The following PADI6 variants were observed in gnomAD, a reference collection of about 807,000 sequenced individuals.
PADI6 encodes the protein peptidyl arginine deiminase 6.
A neutral mutation model predicts 78.2 loss-of-function variants in PADI6; 66 were observed. The ratio of observed to expected loss-of-function variants is 0.84; its 90% CI spans 0.69 to 1.04. The LOEUF (loss-of-function observed/expected upper bound fraction) is 1.04. Ranked by LOEUF, PADI6 falls within the 50% of genes least tolerant of loss-of-function variation. The pLI, the probability that PADI6 is intolerant of heterozygous loss-of-function variation, is 0.00. For missense variants in PADI6, 854 were observed against 866.1 expected, an observed-to-expected ratio of 0.99 and a Z score of 0.18; for synonymous variants, 397 against 346.9, an observed-to-expected ratio of 1.14 and a Z score of -1.60.
intron 3 of PADI6, among the ~76,000 whole-genome samples, chr1:17,376,194 C>T (rs1429104677): frequency 1.3e-5 from 2 of 151,218 alleles, no homozygotes; most frequent in Admixed American, 6.6e-5. Context: ...AGGCTGGTCT[C>T]GAACTCCTGA....
intron 6 of PADI6, among the ~76,000 whole-genome samples, chr1:17,386,571 G>A (rs1439669699): frequency 2.6e-5 from 4 of 152,338 alleles, no homozygotes; most frequent in Admixed American, 1.3e-4. Context: ...GAAGTTGCAG[G>A]GGTTCCTGGG....
At chr1:17,397,246 G>T in intron 14 of PADI6, 105 bp downstream of exon 14, 2 of 1,233,944 alleles carry the variant, frequency 1.6e-6, no homozygotes, top group Non-Finnish European at 2.3e-6. Flanking sequence ...GTTGGGCGGC[G>T]GGGGGCAGCT....
intron 9 of PADI6, among the ~76,000 whole-genome samples, chr1:17,393,148 GA>G (rs892825281): frequency 6.6e-4 from 98 of 148,444 alleles, no homozygotes; most frequent in Middle Eastern, 3.5e-3. Flanking sequence ...TGTCTCAAAA[GA>G]AAAAAAAAAA....
intron 8 of PADI6, among the ~76,000 whole-genome samples, chr1:17,391,801 CG>C (rs1438103704): frequency 1.3e-5 from 2 of 152,140 alleles, no homozygotes; most frequent in Non-Finnish European, 2.9e-5. Context: ...GGTGACAGAA[CG>C]AAAGGAAGGG....
chr1:17,375,610 C>T lies in PADI6; in HGVS notation c.367+111C>T, dbSNP rs1362265187. The T allele has an allele frequency of 4.1e-5, 38 of 932,026 alleles. No individual in the cohort carries two copies. The Admixed American group carries it at 8.6e-4, about 21-fold the overall frequency. The allele number at this position is 932,026 out of a possible 1,614,324, so 57.7% of individuals were successfully genotyped here. On this transcript the variant is annotated intron_variant, in intron 3 of 15. Transcript: ENST00000619609. ...GATTCTCCAGGTAACAAGATGCCTC[C>T]TGTGGGCCCCAGGAACTCCTGAACA...
Position 17,392,150 on chromosome 1 carries a change from G to C in PADI6, c.999G>C (p.Thr333=). Reference sequence around the variant, plus strand: ...TGCAGGGTTTTGTGGACACAGTGACGAAGCTGAGTGAGAAGAGCAACAGCC... The same window carrying C: ...TGCAGGGTTTTGTGGACACAGTGACCAAGCTGAGTGAGAAGAGCAACAGCC... ...LQLQGFVDTV[T]KLSEKSNSQV... The change falls in exon 9 of 16, where the codon ACG becomes ACC. Residue 333 remains threonine (T), a synonymous_variant. Coordinates refer to ENST00000619609, the MANE Select transcript of PADI6 (RefSeq NM_207421.4). 1 of 1,561,200 alleles carries C rather than the reference G, an allele frequency of 6.4e-7. No homozygotes were observed. The highest frequency in any genetic ancestry group is 8.7e-7 in the Non-Finnish European group (1 of 1,152,624).
At chr1:17,384,500 T>C (rs908620691) in intron 6 of PADI6, among the ~76,000 whole-genome samples, 4 of 91,110 alleles carry the variant, frequency 4.4e-5, no homozygotes, top group Admixed American at 2.3e-4. Context: ...GCACTTTGAG[T>C]AGACCAAGAC....
intron 6 of PADI6, among the ~76,000 whole-genome samples, chr1:17,383,835 A>AT (rs961221822): frequency 4.0e-5 from 6 of 150,880 alleles, no homozygotes; most frequent in Non-Finnish European, 7.4e-5. Context: ...CAAAAAAATA[A>AT]TTTTTTTAAA....
At chr1:17,398,583 T>C in intron 14 of PADI6, 103 bp from the exon 15 acceptor site, 1 of 700,412 alleles carries the variant, frequency 1.4e-6, no homozygotes, top group Non-Finnish European at 2.4e-6. Flanking sequence ...GGTAGTGGTG[T>C]CAGGCCATCA....
intron 14 of PADI6, 90 bp downstream of exon 14, chr1:17,397,231 GAAGT>G: frequency 6.9e-7 from 1 of 1,441,696 alleles, no homozygotes; most frequent in Non-Finnish European, 9.6e-7. Flanking sequence ...CCTGAGGGGT[GAAGT>G]GTTGGGCGGC....
intron 13 of PADI6, among the ~76,000 whole-genome samples, chr1:17,396,756 A>G (rs1258115038): frequency 6.6e-6 from 1 of 152,180 alleles, no homozygotes; most frequent in Non-Finnish European, 1.5e-5. Flanking sequence ...GCATAAGGGG[A>G]GTAGGGGCTG....
intron 4 of PADI6, among the ~76,000 whole-genome samples, 164 bp from the exon 5 acceptor site, chr1:17,380,883 A>G (rs1230284130): frequency 1.3e-5 from 2 of 152,102 alleles, no homozygotes; most frequent in Non-Finnish European, 2.9e-5. Context: ...CTTACCTGAC[A>G]TGACCTTCCT....
At chr1:17,398,304 T>G (rs2075266255) in intron 14 of PADI6, among the ~76,000 whole-genome samples, 1 of 152,094 alleles carries the variant, frequency 6.6e-6, no homozygotes, top group South Asian at 2.1e-4. Flanking sequence ...TTAGGTGTGT[T>G]GGGTATGTGT....
chr1:17,393,250 G>T (rs1298688479), intron 9 of PADI6, among the ~76,000 whole-genome samples: 4 of 152,130 alleles, frequency 2.6e-5, no homozygotes, highest in Non-Finnish European at 5.9e-5. Context: ...CCTGGTTAAG[G>T]TACCTTTTAA....
chr1:17,381,963 C>T lies in PADI6; in HGVS notation c.554-4C>T, dbSNP rs955138124. 5 of 1,613,600 alleles carry T rather than the reference C, an allele frequency of 3.1e-6. No individual in the cohort carries two copies. The highest frequency in any genetic ancestry group is 3.3e-5 in the Admixed American group (2 of 59,982). On this transcript the variant is annotated splice_region_variant and splice_polypyrimidine_tract_variant and intron_variant, in intron 5 of 15. Transcript: ENST00000619609. Reference sequence around the variant, plus strand: ...CCTTAACCTTTGCTTTGTCTTTTGCCCAGAAATAACGAATCTGTCCCAGAT... The same window carrying T: ...CCTTAACCTTTGCTTTGTCTTTTGCTCAGAAATAACGAATCTGTCCCAGAT...
intron 14 of PADI6, among the ~76,000 whole-genome samples, chr1:17,397,746 G>GTA (rs1371380557): frequency 2.6e-5 from 4 of 152,120 alleles, no homozygotes; most frequent in Non-Finnish European, 5.9e-5. Context: ...GAGGCACACA[G>GTA]TAAAACCGCT....
At chr1:17,395,199 GTTT>G (rs35197313) in intron 12 of PADI6, 92 bp downstream of exon 12, 406,829 of 1,251,040 alleles carry the variant, frequency 0.33, 35,827 homozygotes, top group Non-Finnish European at 0.33. Context: ...GCTTTTTCTT[GTTT>G]TTTTTTTTTT....
chr1:17,381,117 G>C lies in PADI6; in HGVS notation c.506G>C (p.Gly169Ala). ...LLVNCNPADV[G>A]QQLEDKKTKK... The stretch of plus-strand genomic sequence containing the variant: ...GTGAATTGCAACCCTGCTGATGTGG[G>C]CCAGCAACTTGAGGACAAGAAAACC... The change falls in exon 5 of 16, where the codon GGC becomes GCC. Residue 169 changes from glycine (G) to alanine (A), a missense_variant. Transcript: ENST00000619609. The C allele has an allele frequency of 6.2e-7, 1 of 1,609,842 alleles. No homozygotes were observed. The highest frequency in any genetic ancestry group is 8.5e-7 in the Non-Finnish European group (1 of 1,178,248).
At chr1:17,385,182 T>A (rs912111059) in intron 6 of PADI6, among the ~76,000 whole-genome samples, 7 of 136,228 alleles carry the variant, frequency 5.1e-5, no homozygotes, top group African/African-American at 1.8e-4. Flanking sequence ...TGGACAGGAA[T>A]GAGACGATAG....
Sources: allele counts gnomAD v4.1 joint callset (sites outside exome capture counted in the v4.1 genomes callset), GRCh38; gene constraint gnomAD v4.1.1; transcripts MANE v1.5; gene names NCBI Gene and HGNC (gene_info 2026-07-23, HGNC 2026-07-21).